The following DCX variants were observed in gnomAD, a reference collection of about 807,000 sequenced individuals.
The protein encoded by DCX is doublecortin, also known as neuronal migration protein doublecortin.
DCX carries 4 observed loss-of-function variants against 20.9 expected under a neutral mutation model. The observed-to-expected ratio is 0.19, with a 90% CI of 0.09 to 0.44. The LOEUF is 0.44. Ranked by LOEUF, DCX falls within the 20% of genes least tolerant of loss-of-function variation. The pLI, the probability that DCX is intolerant of heterozygous loss-of-function variation, is 0.99. For missense variants in DCX, 133 were observed against 296.9 expected, an observed-to-expected ratio of 0.45 and a Z score of 4.06; for synonymous variants, 103 against 111.4, an observed-to-expected ratio of 0.92 and a Z score of 0.47.
intron 6 of DCX, among the ~76,000 whole-genome samples, chrX:111,310,427 T>C (rs955728593): frequency 1.8e-5 from 2 of 111,566 alleles, no homozygotes; most frequent in African/African-American, 3.2e-5. Context: ...TCTACATATA[T>C]TATACATAGA....
intron 3 of DCX, among the ~76,000 whole-genome samples, chrX:111,384,438 C>A (rs2147238187): frequency 9.0e-6 from 1 of 111,014 alleles, no homozygotes; most frequent in South Asian, 3.8e-4. Flanking sequence ...TGCCTCTGCC[C>A]CTGACAGTTG....
intron 3 of DCX, among the ~76,000 whole-genome samples, chrX:111,353,261 T>C (rs1304873811): frequency 8.9e-6 from 1 of 112,145 alleles, no homozygotes; most frequent in African/African-American, 3.2e-5. Flanking sequence ...TGTGTGATCA[T>C]AGACTTAAAC....
rs138979523 is a variant in DCX at position 111,374,992 on chromosome X, GA to G, written c.705+25997del. 7.0e-4 allele frequency among the ~76,000 whole-genome samples: 71 copies of G among 101,335 alleles called. No individual in the cohort carries two copies. The Middle Eastern group carries it at 0.019, about 27-fold the overall frequency. 88.0% of individuals were successfully genotyped at this position (101,335 alleles called of 115,157 possible). A position where few individuals can be genotyped will look rare whatever the true frequency, so the allele number is the denominator to read the frequency against. ...AGACCTCAAGGGAGTTATAATGAAT[GA>G]AAAAAAATCTCAAAGTATGACATAC... On this transcript the variant is annotated intron_variant, in intron 3 of 6. Transcript: ENST00000636035.
At chrX:111,388,753 C>T (rs1156775709) in intron 3 of DCX, among the ~76,000 whole-genome samples, 2 of 112,029 alleles carry the variant, frequency 1.8e-5, no homozygotes, top group Admixed American at 1.9e-4. Context: ...TTTGTTAGAG[C>T]CTTACCAACT....
intron 6 of DCX, among the ~76,000 whole-genome samples, chrX:111,310,785 A>G (rs2095056160): frequency 8.9e-6 from 1 of 112,576 alleles, no homozygotes; most frequent in Admixed American, 9.4e-5. Flanking sequence ...TAGTCCTTCA[A>G]TGGTTAGAAT....
intron 3 of DCX, among the ~76,000 whole-genome samples, chrX:111,353,566 A>C (rs1923494417): frequency 8.9e-6 from 1 of 111,751 alleles, no homozygotes; most frequent in Non-Finnish European, 1.9e-5. Context: ...CCTGTGAAGC[A>C]CTTTTCACAT....
intron 3 of DCX, among the ~76,000 whole-genome samples, chrX:111,365,080 T>C: frequency 9.4e-6 from 1 of 106,872 alleles, no homozygotes; most frequent in Non-Finnish European, 1.9e-5. Flanking sequence ...TTATTATTAT[T>C]ATTATTTTTA....
At chrX:111,368,235 G>A (rs1254506370) in intron 3 of DCX, among the ~76,000 whole-genome samples, 1 of 111,410 alleles carries the variant, frequency 9.0e-6, no homozygotes, top group Non-Finnish European at 1.9e-5. Flanking sequence ...GGAAAGACAG[G>A]GGTTCTCCCT....
In DCX at chrX:111,335,796, A is replaced by G. The variant is rs1343696412; in HGVS notation, c.706-2643T>C. Among the ~76,000 whole-genome samples, 3 of 110,303 alleles carry G rather than the reference A, an allele frequency of 2.7e-5. No homozygotes were observed. In the East Asian group the frequency reaches 8.6e-4, roughly 32 times the overall value. On this transcript the variant is annotated intron_variant, in intron 3 of 6. Transcript: ENST00000636035. ...CCCCATCTTTACTAAAATACAAAAA[A>G]CTAGTCCGGCGTGGTGGTGCACACC...
intron 3 of DCX, among the ~76,000 whole-genome samples, chrX:111,352,382 G>T (rs1193901072): frequency 8.9e-6 from 1 of 112,130 alleles, no homozygotes; most frequent in Admixed American, 9.4e-5. Context: ...ACCACTCCAA[G>T]AACCAGCTCC....
At chrX:111,400,905 G>A (rs906589053) in intron 3 of DCX, 85 bp downstream of exon 3, 157 of 886,585 alleles carry the variant, frequency 1.8e-4, no homozygotes, top group Non-Finnish European at 2.1e-4. Context: ...GGAAGAGTCC[G>A]TCAACAAGAA....
At chrX:111,322,744 G>A (rs1217800920) in intron 5 of DCX, among the ~76,000 whole-genome samples, 1 of 112,431 alleles carries the variant, frequency 8.9e-6, no homozygotes, top group African/African-American at 3.2e-5. Context: ...AGGGGAGCAA[G>A]AACTGAGAGC....
At chrX:111,301,869 AGTTG>A in intron 6 of DCX, 126 bp from the exon 7 acceptor site, 1 of 666,895 alleles carries the variant, frequency 1.5e-6, no homozygotes, top group African/African-American at 2.2e-5. Context: ...ATTCACAGGA[AGTTG>A]AAAAAATGTA....
intron 3 of DCX, among the ~76,000 whole-genome samples, chrX:111,347,507 G>T (rs1263235085): frequency 9.0e-6 from 1 of 111,282 alleles, no homozygotes; most frequent in Non-Finnish European, 1.9e-5. Flanking sequence ...CCCATCCCAG[G>T]CCCTTAAGAA....
At chrX:111,309,638 A>G (rs2095053042) in intron 6 of DCX, among the ~76,000 whole-genome samples, 1 of 112,003 alleles carries the variant, frequency 8.9e-6, no homozygotes, top group African/African-American at 3.2e-5. Context: ...CCAAATTCAG[A>G]ATCTGAATCT....
chrX:111,374,880 C>A (rs898244774), intron 3 of DCX, among the ~76,000 whole-genome samples: 1 of 107,037 alleles, frequency 9.3e-6, no homozygotes, highest in Admixed American at 1.0e-4. Context: ...TAGGTTGTCT[C>A]GCCACCTGCT....
At chrX:111,392,846 C>G (rs1927053273) in intron 3 of DCX, among the ~76,000 whole-genome samples, 1 of 111,230 alleles carries the variant, frequency 9.0e-6, no homozygotes, top group South Asian at 3.9e-4. Context: ...TTACTCCCCT[C>G]CCCCAATCCT....
At chrX:111,317,774 A>G (rs1219410635) in intron 5 of DCX, among the ~76,000 whole-genome samples, 2 of 112,341 alleles carry the variant, frequency 1.8e-5, no homozygotes, top group African/African-American at 6.5e-5. Flanking sequence ...ACACTTTTCA[A>G]AAGAAGACAT....
At chrX:111,317,782 C>T (rs894869730) in intron 5 of DCX, among the ~76,000 whole-genome samples, 4 of 112,031 alleles carry the variant, frequency 3.6e-5, no homozygotes, top group African/African-American at 6.5e-5. Context: ...CAAAAGAAGA[C>T]ATTCATGTGG....
Sources: allele counts gnomAD v4.1 joint callset (sites outside exome capture counted in the v4.1 genomes callset), GRCh38; gene constraint gnomAD v4.1.1; transcripts MANE v1.5; gene names NCBI Gene and HGNC (gene_info 2026-07-23, HGNC 2026-07-21).